DKK2: variants seen among roughly 807,000 people sequenced by gnomAD.
DKK2 encodes dickkopf Wnt signaling pathway inhibitor 2.
Under a neutral mutation model 28.1 loss-of-function variants are expected in DKK2, and 11 were observed. The observed-to-expected ratio is 0.39, with a 90% CI of 0.25 to 0.65. The LOEUF (loss-of-function observed/expected upper bound fraction) is 0.65, where lower values mean the gene tolerates loss of function less well. DKK2 is among the 30% of genes least tolerant of loss of function. The pLI is 0.47. For synonymous variants in DKK2, 135 were observed against 126.5 expected (o/e 1.07, Z -0.45); for missense variants, 326 against 335.5 (o/e 0.97, Z 0.22).
chr4:106,940,711 A>G (rs1724681351), intron 1 of DKK2, among the ~76,000 whole-genome samples: 1 of 151,796 alleles, frequency 6.6e-6, no homozygotes, highest in Non-Finnish European at 1.5e-5. Flanking sequence ...AACCAACCTA[A>G]ATGTCCAACA....
intron 1 of DKK2, among the ~76,000 whole-genome samples, chr4:107,023,057 T>A (rs965023345): frequency 6.6e-6 from 1 of 152,130 alleles, no homozygotes; most frequent in African/African-American, 2.4e-5. Flanking sequence ...TATATAGAAC[T>A]TTTACTGATA....
At chr4:106,935,657 T>G (rs967875425) in intron 1 of DKK2, among the ~76,000 whole-genome samples, 20 of 152,246 alleles carry the variant, frequency 1.3e-4, no homozygotes, top group Non-Finnish European at 2.1e-4. Context: ...TCCACCTCTG[T>G]GGGCAGGGCA....
chr4:106,993,028 T>A (rs1723226509), intron 1 of DKK2, among the ~76,000 whole-genome samples: 1 of 152,240 alleles, frequency 6.6e-6, no homozygotes, highest in African/African-American at 2.4e-5. Flanking sequence ...GACCTCTCTA[T>A]GAGTTCATTT....
intron 1 of DKK2, among the ~76,000 whole-genome samples, chr4:106,975,082 G>C (rs1578364077): frequency 6.6e-6 from 1 of 152,170 alleles, no homozygotes; most frequent in Non-Finnish European, 1.5e-5. Flanking sequence ...TTGCATCCCA[G>C]GGATGAAGCC....
At chr4:106,985,823 AAAAAAAG>A (rs1304875868) in intron 1 of DKK2, among the ~76,000 whole-genome samples, 31 of 151,862 alleles carry the variant, frequency 2.0e-4, no homozygotes, top group Non-Finnish European at 4.1e-4. Flanking sequence ...CTCAAAAAAA[AAAAAAAG>A]AAAAAAGAAA....
intron 1 of DKK2, among the ~76,000 whole-genome samples, chr4:106,938,705 A>G (rs535398069): frequency 1.3e-5 from 2 of 152,260 alleles, no homozygotes; most frequent in South Asian, 2.1e-4. Flanking sequence ...TGATGCAAAA[A>G]TCCTCAACAA....
At chr4:107,035,075 G>A (rs1482571755) in intron 1 of DKK2, among the ~76,000 whole-genome samples, 1 of 152,150 alleles carries the variant, frequency 6.6e-6, no homozygotes, top group Non-Finnish European at 1.5e-5. Flanking sequence ...TTAAATGGAA[G>A]GACCATCCTG....
chr4:106,922,811 CT>C lies in DKK2; in HGVS notation c.*1142del, dbSNP rs1452297458. ...GATATTCATTTAGACTGTGCATCCC[CT>C]GGTTTCAAAGATGAACAGCCAACTT... On this transcript the variant is annotated 3_prime_UTR_variant, in exon 4 of 4. Transcript: ENST00000285311. 6.6e-6 allele frequency: 1 copy of C among 152,162 alleles called. No homozygotes were observed. The highest frequency in any genetic ancestry group is 2.4e-5 in the African/African-American group (1 of 41,444). 9.4% of individuals were successfully genotyped at this position (152,162 alleles called of 1,614,324 possible). A position where few individuals can be genotyped will look rare whatever the true frequency, so the allele number is the denominator to read the frequency against.
intron 1 of DKK2, among the ~76,000 whole-genome samples, chr4:106,997,010 A>G (rs1327530401): frequency 6.6e-6 from 1 of 152,196 alleles, no homozygotes; most frequent in Admixed American, 6.5e-5. Flanking sequence ...GATTACCTCC[A>G]AATTGGCACA....
chr4:106,978,605 C>A (rs976384320), intron 1 of DKK2, among the ~76,000 whole-genome samples: 1 of 152,082 alleles, frequency 6.6e-6, no homozygotes, highest in Non-Finnish European at 1.5e-5. Flanking sequence ...CAAGCTCAAG[C>A]ATACCAGGTC....
intron 1 of DKK2, among the ~76,000 whole-genome samples, chr4:106,997,367 A>G (rs1372981186): frequency 6.6e-6 from 1 of 152,124 alleles, no homozygotes; most frequent in Non-Finnish European, 1.5e-5. Context: ...CCTGGTTAAA[A>G]CGCTTCCATT....
chr4:106,942,449 G>T (rs1284290887), intron 1 of DKK2, among the ~76,000 whole-genome samples: 1 of 152,014 alleles, frequency 6.6e-6, no homozygotes, highest in Non-Finnish European at 1.5e-5. Flanking sequence ...TACTTCTTTT[G>T]TTGGCCCTTA....
intron 1 of DKK2, among the ~76,000 whole-genome samples, chr4:107,017,503 C>T (rs1723627584): frequency 1.3e-5 from 2 of 151,894 alleles, no homozygotes; most frequent in Admixed American, 1.3e-4. Context: ...AAGCTCTAAA[C>T]TGTGATACAA....
rs139165551 is a variant in DKK2, at chr4:106,982,212, A to G, written c.222+53158T>C. 5.0e-3 allele frequency among the ~76,000 whole-genome samples: 755 copies of G among 152,324 alleles called. 3 individuals carry two copies. The highest frequency in any genetic ancestry group is 0.015 in the African/African-American group (638 of 41,564). On this transcript the variant is annotated intron_variant, in intron 1 of 3. Coordinates refer to ENST00000285311, the MANE Select transcript of DKK2 (RefSeq NM_014421.3). ...TGTCTATCACTAGACTGGAATCTCC[A>G]TAAAAGCAAATACATACTTTGTTCA... is the stretch of plus-strand genomic sequence containing the variant.
At chr4:107,021,819 C>T (rs1420509728) in intron 1 of DKK2, among the ~76,000 whole-genome samples, 2 of 152,072 alleles carry the variant, frequency 1.3e-5, no homozygotes, top group African/African-American at 2.4e-5. Flanking sequence ...CAATTCTTTA[C>T]AATGTCAGCA....
chr4:106,925,468 A>G (rs772791585), intron 2 of DKK2, among the ~76,000 whole-genome samples: 2 of 152,236 alleles, frequency 1.3e-5, no homozygotes, highest in Admixed American at 6.5e-5. Context: ...TTGCAACTGC[A>G]TTACTAAATC....
intron 1 of DKK2, among the ~76,000 whole-genome samples, chr4:107,031,413 T>G (rs1398453244): frequency 6.6e-6 from 1 of 152,000 alleles, no homozygotes; most frequent in African/African-American, 2.4e-5. Context: ...ACAGCACACT[T>G]TCATTAAAGA....
At chr4:107,016,448 C>T (rs919024305) in intron 1 of DKK2, among the ~76,000 whole-genome samples, 1 of 151,706 alleles carries the variant, frequency 6.6e-6, no homozygotes, top group African/African-American at 2.4e-5. Flanking sequence ...AAAAGCAAAC[C>T]CTAGACTACA....
intron 1 of DKK2, among the ~76,000 whole-genome samples, chr4:106,951,621 A>G (rs1431268109): frequency 1.3e-5 from 2 of 152,172 alleles, no homozygotes; most frequent in African/African-American, 2.4e-5. Context: ...GAGAGCTAAA[A>G]AAGTTGACCT....
Sources: allele counts gnomAD v4.1 joint callset (sites outside exome capture counted in the v4.1 genomes callset), GRCh38; gene constraint gnomAD v4.1.1; transcripts MANE v1.5; gene names NCBI Gene and HGNC (gene_info 2026-07-23, HGNC 2026-07-21).